The following INTS11 variants were observed in gnomAD, a reference collection of about 807,000 sequenced individuals.
INTS11 encodes integrator complex subunit 11.
In INTS11, 77 loss-of-function variants were observed where a neutral mutation model predicts 78.6. The observed-to-expected ratio is 0.98, with a 90% CI of 0.81 to 1.18. The LOEUF is 1.18. Ranked by LOEUF, INTS11 falls within the 50% of genes most tolerant of loss-of-function variation. INTS11 has a pLI of 0.00. For synonymous variants in INTS11, 441 were observed against 326.9 expected, an observed-to-expected ratio of 1.35 and a Z score of -3.77; for missense variants, 875 against 825.9, an observed-to-expected ratio of 1.06 and a Z score of -0.73.
At chr1:1,317,818 G>C (rs1642708063) in intron 4 of INTS11, 1 of 152,150 alleles carries the variant, frequency 6.6e-6, no homozygotes, top group East Asian at 1.9e-4. Flanking sequence ...GGGAAAAAAA[G>C]TCCTTTAAGA....
chr1:1,319,268 G>C, intron 4 of INTS11, 28 bp downstream of exon 4: 1 of 1,567,202 alleles, frequency 6.4e-7, no homozygotes, highest in Non-Finnish European at 8.8e-7. Flanking sequence ...GGCAGTGACT[G>C]TGCCAGCTGT....
chr1:1,321,800 C>A lies in INTS11; in HGVS notation c.29-707G>T, dbSNP rs529573243. On this transcript the variant is annotated intron_variant, in intron 1 of 16. Coordinates refer to ENST00000435064, the MANE Select transcript of INTS11 (RefSeq NM_017871.6). ...GGCCAGCCAAGGCACACTCAGCCCC[C>A]TCATGTGGCCTGGGGGCCCGAGAGG... 49 of 800,414 alleles carry A rather than the reference C, an allele frequency of 6.1e-5. No homozygotes were observed. In the African/African-American group the frequency reaches 7.4e-4, roughly 12 times the overall value. The allele number at this position is 800,414 out of a possible 1,614,324, so 49.6% of individuals were successfully genotyped here. A position where few individuals can be genotyped will look rare whatever the true frequency, so the allele number is the denominator to read the frequency against.
At chr1:1,321,366 G>A (rs963101480) in intron 1 of INTS11, among the ~76,000 whole-genome samples, 2 of 152,240 alleles carry the variant, frequency 1.3e-5, no homozygotes, top group African/African-American at 2.4e-5. Context: ...CGGCCTGCTG[G>A]CTAAGTAGTG....
At position 1,314,741 on chromosome 1, in the gene INTS11, C is replaced by T; in HGVS notation, c.702+83G>A. The T allele has an allele frequency of 3.3e-6, 5 of 1,509,854 alleles. No homozygotes were observed. Among genetic ancestry groups the T allele is most frequent in the Non-Finnish European group, 3.6e-6 (4 of 1,104,360 alleles). The allele number at this position is 1,509,854 out of a possible 1,614,324, so 93.5% of individuals were successfully genotyped here. ...AGTACCCCCCACCCTGAGACCCTGA[C>T]CCATGCCAAGGGCAGCCAAGCCTGC... is the stretch of plus-strand genomic sequence containing the variant. On this transcript the variant is annotated intron_variant, in intron 7 of 16. Coordinates refer to ENST00000435064, the MANE Select transcript of INTS11 (RefSeq NM_017871.6). This position sits in a 1 kb window ranked among gnomAD's most constrained non-coding sequence, Gnocchi z 4.2.
intron 4 of INTS11, 115 bp downstream of exon 4, chr1:1,319,180 TG>T: frequency 1.1e-6 from 1 of 923,744 alleles, no homozygotes; most frequent in Non-Finnish European, 1.8e-6. Flanking sequence ...AAGAGTGAGG[TG>T]GGGTGGGCTC....
intron 3 of INTS11, 68 bp from the exon 4 acceptor site, chr1:1,319,592 G>A: frequency 8.8e-7 from 1 of 1,139,924 alleles, no homozygotes; most frequent in Non-Finnish European, 1.2e-6. Context: ...CTCTGGGCTT[G>A]TGGGTCACTG....
Position 1,314,717 on chromosome 1 carries a change from G to A in INTS11, c.702+107C>T. ...TCTTCCCTCCCTGCCTGAAAATGCA[G>A]TACCCCCCACCCTGAGACCCTGACC... On this transcript the variant is annotated intron_variant, in intron 7 of 16. Coordinates refer to ENST00000435064, the MANE Select transcript of INTS11 (RefSeq NM_017871.6). The surrounding 1 kb of genome is among the most constrained non-coding windows in gnomAD (Gnocchi z 4.2). 1 of 1,314,404 alleles carries A rather than the reference G, an allele frequency of 7.6e-7. No individual in the cohort carries two copies. Among genetic ancestry groups the A allele is most frequent in the Non-Finnish European group, 1.1e-6 (1 of 947,406 alleles). The allele number at this position is 1,314,404 out of a possible 1,614,324, so 81.4% of individuals were successfully genotyped here. A position where few individuals can be genotyped will look rare whatever the true frequency, so the allele number is the denominator to read the frequency against.
At position 1,312,292 on chromosome 1, in the gene INTS11, C is replaced by G; in HGVS notation, c.1541G>C (p.Arg514Pro). ...LAEHQLRFTC[R>P]VHLHDTRKEQ... The stretch of plus-strand genomic sequence containing the variant: ...CTTGCGTGTGTCATGCAGGTGCACG[C>G]GGCAGGTGAAGCGCAGCTGGTGCTC... Residue 514 changes from arginine (R) to proline (P), a missense_variant, in exon 15 of 17, where the codon CGC becomes CCC. Coordinates refer to ENST00000435064, the MANE Select transcript of INTS11 (RefSeq NM_017871.6). 2 of 1,550,070 alleles carry G rather than the reference C, an allele frequency of 1.3e-6. No homozygotes were observed. The highest frequency in any genetic ancestry group is 1.7e-6 in the Non-Finnish European group (2 of 1,147,074).
chr1:1,323,121 G>C, intron 1 of INTS11: 1 of 1,544,988 alleles, frequency 6.5e-7, no homozygotes, highest in South Asian at 1.2e-5. Context: ...CACAGGCCAG[G>C]GGTGTTCACA....
At chr1:1,318,220 T>C (rs543868989) in intron 4 of INTS11, among the ~76,000 whole-genome samples, 1 of 152,320 alleles carries the variant, frequency 6.6e-6, no homozygotes, top group East Asian at 1.9e-4. Flanking sequence ...CACACTCATA[T>C]TCTTCAGGCA....
chr1:1,318,097 C>T (rs1642724928), intron 4 of INTS11, among the ~76,000 whole-genome samples: 1 of 152,074 alleles, frequency 6.6e-6, no homozygotes, highest in Non-Finnish European at 1.5e-5. Flanking sequence ...GTCTCGATCT[C>T]CTGACCTCGT....
intron 2 of INTS11, 112 bp from the exon 3 acceptor site, chr1:1,320,641 G>T (rs768508627): frequency 9.4e-7 from 1 of 1,060,238 alleles, no homozygotes; most frequent in Non-Finnish European, 1.5e-6. Flanking sequence ...TGCAGACTCA[G>T]GCTGGGCACT....
Position 1,311,895 on chromosome 1 carries a change from A to G in INTS11, c.1767T>C (p.Ser589=). ...CCTGGGGGAGGCCCTTCTTCAGCAG[A>G]GATGTGAGGAAGCTCCCCAGCTCCT... ...QDEELGSFLT[S]LLKKGLPQAP... is the part of the protein sequence containing the mutation. The change falls in exon 17 of 17, where the codon TCT becomes TCC. Residue 589 remains serine (S), a synonymous_variant. Coordinates refer to ENST00000435064, the MANE Select transcript of INTS11 (RefSeq NM_017871.6). 6.4e-7 allele frequency: 1 copy of G among 1,571,726 alleles called. No homozygotes were observed. Among genetic ancestry groups the G allele is most frequent in the Non-Finnish European group, 8.6e-7 (1 of 1,158,194 alleles).
intron 15 of INTS11, 24 bp downstream of exon 15, chr1:1,312,202 G>GGGGGA (rs746289153): frequency 1.7e-6 from 2 of 1,208,054 alleles, no homozygotes; most frequent in Non-Finnish European, 2.3e-6. Context: ...AGGGAGTGGG[G>GGGGGA]GGGGGGCGGG....
In INTS11 at chr1:1,313,756, A is replaced by C. The variant is rs756218307; in HGVS notation, c.933T>G (p.Ala311=). The C allele has an allele frequency of 2.5e-6, 4 of 1,613,132 alleles. No individual in the cohort carries two copies. In the South Asian group the frequency reaches 4.4e-5, roughly 18 times the overall value. The change falls in exon 9 of 17, where the codon GCT becomes GCG. Residue 311 remains alanine, a synonymous_variant. Transcript: ENST00000435064. ...EFKHIKAFDR[A]FADNPGPMVV... ...CCATCGGTCCTGGGTTGTCAGCAAA[A>C]GCCCGGTCGAAGGCCTTGATGTGCT...
chr1:1,312,444 TC>T lies in INTS11; in HGVS notation c.1459del (p.Asp487ThrfsTer52). On this transcript the variant is annotated frameshift_variant, in exon 14 of 17. Coordinates refer to ENST00000435064, the MANE Select transcript of INTS11 (RefSeq NM_017871.6). LOFTEE classifies it high-confidence loss of function. ...AGAGACCGTCCTGGCACTCACGCTG[TC>T]CTTCATGATCAGGGTGCCGTGCAGG... Reference protein sequence around the residue: ...RLLHGTLIMKDSNFRLVSSEQ... With the variant: ...RLLHGTLIMKXSNFRLVSSEQ... The T allele has an allele frequency of 1.9e-6, 3 of 1,569,582 alleles. No homozygotes were observed. The highest frequency in any genetic ancestry group is 2.6e-6 in the Non-Finnish European group (3 of 1,157,882).
At chr1:1,323,183 C>T in intron 1 of INTS11, 1 of 1,550,264 alleles carries the variant, frequency 6.5e-7, no homozygotes, top group Admixed American at 2.0e-5. Flanking sequence ...GCGCTCACGC[C>T]ATGGGGGAGG....
rs764250347 is a variant in INTS11 at position 1,312,314 on chromosome 1, G to A, written c.1519C>T (p.His507Tyr). 3.9e-6 allele frequency: 6 copies of A among 1,552,364 alleles called. No individual in the cohort carries two copies. The South Asian group carries it at 4.7e-5, about 12-fold the overall frequency. Residue 507 changes from histidine to tyrosine, a missense_variant, in exon 15 of 17, where the codon CAC becomes TAC. By Grantham distance (83) the His-to-Tyr change is moderately conservative. Coordinates refer to ENST00000435064, the MANE Select transcript of INTS11 (RefSeq NM_017871.6). ...ACGCGGCAGGTGAAGCGCAGCTGGT[G>A]CTCAGCCAGACCCAGCTCTTTGAGG... The part of the protein sequence containing the change: ...QALKELGLAE[H>Y]QLRFTCRVHL...
intron 4 of INTS11, 31 bp downstream of exon 4, chr1:1,319,265 A>C: frequency 1.2e-5 from 18 of 1,561,466 alleles, no homozygotes; most frequent in Non-Finnish European, 1.6e-5. Flanking sequence ...GTGGGCAGTG[A>C]CTGTGCCAGC....
Sources: allele counts gnomAD v4.1 joint callset (sites outside exome capture counted in the v4.1 genomes callset), GRCh38; gene constraint gnomAD v4.1.1; non-coding constraint Gnocchi (gnomAD v3.1); transcripts MANE v1.5; gene names NCBI Gene and HGNC (gene_info 2026-07-23, HGNC 2026-07-21).